KCNN2: variants seen among roughly 807,000 people sequenced by gnomAD.
KCNN2 encodes small conductance calcium-activated potassium channel protein 2.
In KCNN2, 24 loss-of-function variants were observed where a neutral mutation model predicts 55.5. That is an observed-to-expected ratio of 0.43 (90% CI 0.31 to 0.61). The LOEUF (loss-of-function observed/expected upper bound fraction) is 0.61, where lower values mean the gene tolerates loss of function less well. Among genes scored for constraint, KCNN2 ranks in the 20% least tolerant of loss-of-function variants. The pLI is 0.08. For missense variants in KCNN2, 754 were observed against 853.6 expected (o/e 0.88, Z 1.45); for synonymous variants, 431 against 336.1 (o/e 1.28, Z -3.09).
intron 2 of KCNN2, among the ~76,000 whole-genome samples, chr5:114,380,635 G>A (rs897369555): frequency 2.0e-5 from 3 of 152,096 alleles, no homozygotes; most frequent in African/African-American, 7.2e-5. Context: ...TCACACAAAC[G>A]GTAACATTAG....
intron 2 of KCNN2, among the ~76,000 whole-genome samples, chr5:114,252,556 A>G (rs1754887698): frequency 6.6e-6 from 1 of 151,882 alleles, no homozygotes; most frequent in South Asian, 2.1e-4. Context: ...GGAAAGAGCA[A>G]TGAGGCCCTT....
At chr5:114,464,965 G>A (rs1232097202) in intron 4 of KCNN2, among the ~76,000 whole-genome samples, 2 of 152,026 alleles carry the variant, frequency 1.3e-5, no homozygotes, top group East Asian at 3.9e-4. Flanking sequence ...AGTCCACAAG[G>A]GATATAAATG....
At chr5:114,226,791 C>T (rs959218297) in intron 2 of KCNN2, among the ~76,000 whole-genome samples, 3 of 150,972 alleles carry the variant, frequency 2.0e-5, no homozygotes, top group Non-Finnish European at 2.9e-5. Context: ...GTCCCAGCTA[C>T]TTGGGAGGCT....
At chr5:114,154,600 T>C (rs565585997) in intron 1 of KCNN2, among the ~76,000 whole-genome samples, 10 of 152,188 alleles carry the variant, frequency 6.6e-5, no homozygotes, top group Non-Finnish European at 1.2e-4. Flanking sequence ...GTCATCCAGA[T>C]GGACTATATA....
intron 1 of KCNN2, among the ~76,000 whole-genome samples, chr5:114,066,625 G>T (rs1302321295): frequency 2.0e-5 from 3 of 152,168 alleles, no homozygotes; most frequent in African/African-American, 7.2e-5. Context: ...CTGTTGCCAG[G>T]CTGGAGTGCA....
chr5:114,347,781 G>A (rs1018395491), intron 2 of KCNN2, among the ~76,000 whole-genome samples: 4 of 152,196 alleles, frequency 2.6e-5, no homozygotes, highest in East Asian at 1.9e-4. Flanking sequence ...TTAGTTTTTC[G>A]TAATAATGGG....
At chr5:114,250,811 C>G (rs1398583839) in intron 2 of KCNN2, among the ~76,000 whole-genome samples, 1 of 152,156 alleles carries the variant, frequency 6.6e-6, no homozygotes, top group East Asian at 1.9e-4. Context: ...GAGCCTCTTA[C>G]TAATGGAAAG....
intron 1 of KCNN2, among the ~76,000 whole-genome samples, chr5:114,166,334 G>A (rs1391601433): frequency 2.0e-5 from 3 of 152,100 alleles, no homozygotes; most frequent in Non-Finnish European, 4.4e-5. Flanking sequence ...ACACAGTAGA[G>A]CAAATGTTTC....
At chr5:114,323,288 A>T (rs1243632756) in intron 2 of KCNN2, among the ~76,000 whole-genome samples, 1 of 152,144 alleles carries the variant, frequency 6.6e-6, no homozygotes, top group Non-Finnish European at 1.5e-5. Flanking sequence ...GTTAGTTACT[A>T]CCCAGCTGTG....
intron 2 of KCNN2, among the ~76,000 whole-genome samples, chr5:114,272,106 A>G (rs974849158): frequency 2.6e-5 from 4 of 152,144 alleles, no homozygotes; most frequent in Non-Finnish European, 5.9e-5. Context: ...AACACTATAG[A>G]AAGTGGAAAA....
At chr5:114,209,864 T>A (rs1377236611) in intron 1 of KCNN2, among the ~76,000 whole-genome samples, 2 of 152,188 alleles carry the variant, frequency 1.3e-5, no homozygotes. Flanking sequence ...ATACATTCAT[T>A]CCTCATTATT....
intron 2 of KCNN2, among the ~76,000 whole-genome samples, chr5:114,248,277 CATGTTTGGAACATTAA>C (rs67964373): frequency 0.39 from 59,459 of 151,752 alleles, 12,187 homozygotes; most frequent in Middle Eastern, 0.54. Context: ...GGAAATTCAT[CATGTTTGGAACATTAA>C]ATGGTACCTA....
At chr5:114,311,317 C>T (rs1234017620) in intron 2 of KCNN2, among the ~76,000 whole-genome samples, 1 of 152,018 alleles carries the variant, frequency 6.6e-6, no homozygotes, top group African/African-American at 2.4e-5. Flanking sequence ...GATGAAGCTA[C>T]TCTTTAGATT....
intron 2 of KCNN2, among the ~76,000 whole-genome samples, chr5:114,263,655 T>G (rs4597958): frequency 0.85 from 129,865 of 151,984 alleles, 55,557 homozygotes; most frequent in East Asian, 0.94. Context: ...GTAAAAAAAT[T>G]TTTTATAAAA....
chr5:114,387,922 G>C (rs337689), intron 2 of KCNN2, among the ~76,000 whole-genome samples: 80,004 of 152,002 alleles, frequency 0.53, 22,713 homozygotes, highest in African/African-American at 0.75. Flanking sequence ...GTTGAAATAG[G>C]CTTCATTTTC....
intron 1 of KCNN2, among the ~76,000 whole-genome samples, chr5:114,176,933 C>A (rs1480833873): frequency 6.6e-6 from 1 of 152,048 alleles, no homozygotes; most frequent in Non-Finnish European, 1.5e-5. Context: ...TGTGCAACCT[C>A]TTCTTTACTT....
chr5:114,189,698 G>T (rs531056512), intron 1 of KCNN2, among the ~76,000 whole-genome samples: 1 of 152,206 alleles, frequency 6.6e-6, no homozygotes, highest in African/African-American at 2.4e-5. Flanking sequence ...AAATAGGTAT[G>T]ATTTTATCTC....
intron 1 of KCNN2, among the ~76,000 whole-genome samples, chr5:114,107,393 C>G (rs1012774206): frequency 3.3e-5 from 5 of 151,752 alleles, no homozygotes; most frequent in African/African-American, 1.2e-4. Context: ...TTATAATGTG[C>G]ATTCTTTTTG....
At chr5:114,474,519 G>C (rs1761885660) in intron 5 of KCNN2, among the ~76,000 whole-genome samples, 1 of 152,048 alleles carries the variant, frequency 6.6e-6, no homozygotes, top group African/African-American at 2.4e-5. Flanking sequence ...GAGTGTGCAG[G>C]GAAAAAGGTC....
Sources: gnomAD v4.1 joint callset for allele counts (sites outside exome capture counted in the v4.1 genomes callset) on GRCh38, gnomAD v4.1.1 for gene constraint, MANE v1.5 for transcripts, NCBI Gene and HGNC (gene_info 2026-07-23, HGNC 2026-07-21) for gene names.